ANKRD30B: variants seen among roughly 807,000 people sequenced by gnomAD.
ANKRD30B encodes the protein ankyrin repeat domain-containing protein 30B.
In ANKRD30B, 144 loss-of-function variants were observed where a neutral mutation model predicts 202.2. The observed-to-expected ratio is 0.71, with a 90% confidence interval of 0.62 to 0.82. The LOEUF is 0.82. Among genes scored for constraint, ANKRD30B ranks in the 40% least tolerant of loss-of-function variants. The pLI is 0.00. For synonymous variants in ANKRD30B, 508 were observed against 561.3 expected (o/e 0.91, Z 1.34); for missense variants, 1,487 against 1,669.1 (o/e 0.89, Z 1.90).
chr18:14,930,796 C>T, the ANKRD30B span, among the ~76,000 whole-genome samples: 12 of 152,202 alleles, frequency 7.9e-5, no homozygotes, highest in African/African-American at 2.9e-4. Flanking sequence ...TCTGCTGGTC[C>T]TCACAGATCT....
the ANKRD30B span, among the ~76,000 whole-genome samples, chr18:14,867,576 A>G: frequency 6.6e-6 from 1 of 152,058 alleles, no homozygotes; most frequent in African/African-American, 2.4e-5. Context: ...TGTGTTGTGG[A>G]GACCATCTGG....
chr18:14,848,502 T>C (rs1351523201), intron 39 of ANKRD30B, among the ~76,000 whole-genome samples: 1 of 152,118 alleles, frequency 6.6e-6, no homozygotes, highest in Non-Finnish European at 1.5e-5. Context: ...AATTGTAACT[T>C]TTCTGGGGCT....
chr18:14,826,765 C>G (rs1227923736), intron 32 of ANKRD30B, among the ~76,000 whole-genome samples: 1 of 149,984 alleles, frequency 6.7e-6, no homozygotes, highest in African/African-American at 2.4e-5. Flanking sequence ...CGTGTATTTT[C>G]TAAGACACCC....
chr18:14,912,851 A>G, the ANKRD30B span, among the ~76,000 whole-genome samples: 1 of 152,348 alleles, frequency 6.6e-6, no homozygotes, highest in East Asian at 1.9e-4. Context: ...ATGTTGTGTG[A>G]AAACTTAAAA....
intron 18 of ANKRD30B, among the ~76,000 whole-genome samples, chr18:14,796,906 A>G (rs1194272735): frequency 2.0e-5 from 3 of 152,220 alleles, no homozygotes; most frequent in African/African-American, 7.2e-5. Context: ...TAACATCTGT[A>G]TGCAGAAATA....
the ANKRD30B span, among the ~76,000 whole-genome samples, chr18:14,908,465 T>A: frequency 6.6e-6 from 1 of 152,156 alleles, no homozygotes; most frequent in Non-Finnish European, 1.5e-5. Context: ...CTCCTAATTC[T>A]TGGAGGTCAC....
At chr18:14,840,140 T>C (rs770979716) in intron 36 of ANKRD30B, among the ~76,000 whole-genome samples, 1 of 152,246 alleles carries the variant, frequency 6.6e-6, no homozygotes, top group Non-Finnish European at 1.5e-5. Context: ...GTTTTCAATA[T>C]GTGAACAGCC....
chr18:14,756,087 A>T (rs1360196355), intron 4 of ANKRD30B, among the ~76,000 whole-genome samples: 1 of 152,118 alleles, frequency 6.6e-6, no homozygotes, highest in East Asian at 1.9e-4. Context: ...CTTTTTAATG[A>T]TCGCCATTCT....
chr18:14,831,202 G>GAAAAAAAAAAA (rs1434127361), intron 33 of ANKRD30B, among the ~76,000 whole-genome samples, 181 bp from the exon 34 acceptor site: 40 of 76,910 alleles, frequency 5.2e-4, no homozygotes, highest in East Asian at 9.7e-4. Flanking sequence ...AAAAAAAAAC[G>GAAAAAAAAAAA]AAAACCAGAT....
intron 5 of ANKRD30B, 128 bp downstream of exon 5, chr18:14,758,080 A>C: frequency 1.0e-6 from 1 of 998,884 alleles, no homozygotes; most frequent in Non-Finnish European, 1.5e-6. Flanking sequence ...TAGAAGGAGT[A>C]CTGGGTCCAG....
chr18:14,937,667 C>G, the ANKRD30B span, among the ~76,000 whole-genome samples: 19 of 152,318 alleles, frequency 1.2e-4, no homozygotes, highest in South Asian at 4.2e-4. Context: ...ACCGCTTGCT[C>G]GAGCCGGTTC....
chr18:14,748,452 C>T lies in ANKRD30B; in HGVS notation c.33C>T (p.Gly11=), dbSNP rs1656593994. The T allele has an allele frequency of 3.9e-6, 6 of 1,531,196 alleles. No homozygotes were observed. In the African/African-American group the frequency reaches 6.9e-5, roughly 18 times the overall value. 94.9% of individuals were successfully genotyped at this position (1,531,196 alleles called of 1,614,324 possible). A position where few individuals can be genotyped will look rare whatever the true frequency, so the allele number is the denominator to read the frequency against. MKRLLAAAGK[G]VRGPEPPNPF... ...GGCTCTTAGCTGCCGCTGGCAAGGG[C>T]GTGCGGGGCCCGGAGCCCCCGAACC... Residue 11 remains glycine, a synonymous_variant, in exon 1 of 44, where the codon GGC becomes GGT. Coordinates refer to ENST00000690538, the MANE Select transcript of ANKRD30B (RefSeq NM_001367607.2).
intron 7 of ANKRD30B, among the ~76,000 whole-genome samples, chr18:14,768,632 A>G (rs1322300607): frequency 1.3e-5 from 2 of 152,192 alleles, no homozygotes; most frequent in East Asian, 3.9e-4. Flanking sequence ...AATCTTCCAC[A>G]CATTTGGTCA....
chr18:14,886,995 C>T, the ANKRD30B span, among the ~76,000 whole-genome samples: 582 of 152,154 alleles, frequency 3.8e-3, 2 homozygotes, highest in African/African-American at 0.013. Flanking sequence ...GTTGACCTAG[C>T]CTTTTCATAT....
chr18:14,928,293 C>G, the ANKRD30B span, among the ~76,000 whole-genome samples: 30 of 152,216 alleles, frequency 2.0e-4, no homozygotes, highest in African/African-American at 6.7e-4. Flanking sequence ...TATGTGTCAG[C>G]CTCATTGGGC....
the ANKRD30B span, among the ~76,000 whole-genome samples, chr18:14,922,028 T>A: frequency 3.3e-5 from 5 of 152,260 alleles, no homozygotes; most frequent in South Asian, 4.1e-4. Flanking sequence ...TCAAAGTACA[T>A]CCTTTTAACT....
intron 24 of ANKRD30B, among the ~76,000 whole-genome samples, chr18:14,807,154 C>T (rs1424356851): frequency 4.6e-5 from 7 of 150,894 alleles, no homozygotes; most frequent in Non-Finnish European, 7.4e-5. Flanking sequence ...CCAAAGGAAA[C>T]AACATATATA....
chr18:14,864,972 CTCT>C, the ANKRD30B span, among the ~76,000 whole-genome samples: 1 of 151,858 alleles, frequency 6.6e-6, no homozygotes. Flanking sequence ...CCCGCTCACC[CTCT>C]TCTTTCCTCT....
At chr18:14,791,369 T>C (rs1467715548) in intron 15 of ANKRD30B, 32 bp from the exon 16 acceptor site, 1 of 1,540,346 alleles carries the variant, frequency 6.5e-7, no homozygotes, top group Non-Finnish European at 8.8e-7. Flanking sequence ...GATTTTTTCA[T>C]TGAAATTATT....
Sources: gnomAD v4.1 joint callset for allele counts (sites outside exome capture counted in the v4.1 genomes callset) on GRCh38, gnomAD v4.1.1 for gene constraint, MANE v1.5 for transcripts, NCBI Gene and HGNC (gene_info 2026-07-23, HGNC 2026-07-21) for gene names.